Variants in PCDH9 observed in about 807,000 individuals in gnomAD.
The protein encoded by PCDH9 is protocadherin 9.
In PCDH9, 24 loss-of-function variants were observed where a neutral mutation model predicts 70.6. The observed-to-expected ratio is 0.34, with a 90% CI of 0.25 to 0.48. The LOEUF is 0.48. Ranked by LOEUF, PCDH9 falls within the 20% of genes least tolerant of loss-of-function variation. The pLI is 0.99. For synonymous variants in PCDH9, 562 were observed against 558.5 expected, an observed-to-expected ratio of 1.01 and a Z score of -0.09; for missense variants, 1,281 against 1,503.6, an observed-to-expected ratio of 0.85 and a Z score of 2.45.
At chr13:67,123,130 C>T (rs933666730) in intron 2 of PCDH9, among the ~76,000 whole-genome samples, 1 of 152,124 alleles carries the variant, frequency 6.6e-6, no homozygotes, top group Non-Finnish European at 1.5e-5. Flanking sequence ...AATCTACTAA[C>T]CCTTCTAGGC....
At chr13:66,854,607 T>G (rs947095354) in intron 3 of PCDH9, among the ~76,000 whole-genome samples, 1 of 151,954 alleles carries the variant, frequency 6.6e-6, no homozygotes, top group African/African-American at 2.4e-5. Context: ...TCTTTTTTAA[T>G]GTCTATTTAG....
intron 3 of PCDH9, among the ~76,000 whole-genome samples, chr13:66,791,936 G>A (rs970113148): frequency 2.0e-5 from 3 of 152,060 alleles, no homozygotes; most frequent in Non-Finnish European, 4.4e-5. Context: ...TTACTGAGCT[G>A]AAGTCAATAC....
intron 2 of PCDH9, among the ~76,000 whole-genome samples, chr13:67,099,905 A>G (rs542367107): frequency 1.6e-4 from 24 of 152,200 alleles, no homozygotes; most frequent in Non-Finnish European, 3.1e-4. Context: ...TAAAAGAGAC[A>G]ATGAAATATA....
chr13:66,818,205 C>A (rs898201897), intron 3 of PCDH9, among the ~76,000 whole-genome samples: 2 of 152,098 alleles, frequency 1.3e-5, no homozygotes, highest in African/African-American at 4.8e-5. Context: ...TTTCTCCTAG[C>A]CATGGGCAGA....
At chr13:66,567,059 A>C (rs2076663048) in intron 4 of PCDH9, among the ~76,000 whole-genome samples, 1 of 150,846 alleles carries the variant, frequency 6.6e-6, no homozygotes, top group African/African-American at 2.4e-5. Flanking sequence ...CTTATGTTTA[A>C]AAAAAAAATC....
At chr13:66,416,274 C>T (rs905564797) in intron 4 of PCDH9, among the ~76,000 whole-genome samples, 3 of 150,914 alleles carry the variant, frequency 2.0e-5, no homozygotes, top group Non-Finnish European at 3.0e-5. Flanking sequence ...TTCATGTGCC[C>T]CAGGAATATA....
intron 4 of PCDH9, among the ~76,000 whole-genome samples, chr13:66,478,736 G>T (rs1469653880): frequency 6.6e-6 from 1 of 152,304 alleles, no homozygotes; most frequent in South Asian, 2.1e-4. Flanking sequence ...AAAATTTGAA[G>T]CTAGCAAGTA....
chr13:67,187,880 C>T (rs1244486345), intron 2 of PCDH9, among the ~76,000 whole-genome samples: 2 of 151,954 alleles, frequency 1.3e-5, no homozygotes, highest in African/African-American at 4.8e-5. Context: ...TATCCATCCC[C>T]TCTAGCATTT....
chr13:66,588,884 G>C (rs1327695217), intron 4 of PCDH9, among the ~76,000 whole-genome samples: 1 of 150,084 alleles, frequency 6.7e-6, no homozygotes, highest in East Asian at 2.0e-4. Context: ...CCATTATTAC[G>C]AGAACTTTTT....
intron 3 of PCDH9, among the ~76,000 whole-genome samples, chr13:66,862,244 C>T (rs1418469080): frequency 6.6e-6 from 1 of 152,092 alleles, no homozygotes; most frequent in Non-Finnish European, 1.5e-5. Flanking sequence ...TTTTTCTTAT[C>T]TTGTGAGTGT....
intron 4 of PCDH9, among the ~76,000 whole-genome samples, chr13:66,574,818 C>T (rs764123172): frequency 7.2e-5 from 11 of 152,144 alleles, no homozygotes; most frequent in Non-Finnish European, 1.5e-4. Context: ...CTTTCTTCAG[C>T]CACAAACAAT....
chr13:66,809,896 T>C (rs1444847466), intron 3 of PCDH9, among the ~76,000 whole-genome samples: 1 of 152,176 alleles, frequency 6.6e-6, no homozygotes, highest in Non-Finnish European at 1.5e-5. Context: ...ATTCCATATA[T>C]TGTCCTTGTC....
At chr13:66,968,342 C>T (rs1465779290) in intron 2 of PCDH9, among the ~76,000 whole-genome samples, 1 of 151,908 alleles carries the variant, frequency 6.6e-6, no homozygotes, top group Non-Finnish European at 1.5e-5. Context: ...GGGAATTACC[C>T]CCATGGCTTT....
At chr13:66,551,990 C>A (rs1961509185) in intron 4 of PCDH9, among the ~76,000 whole-genome samples, 1 of 152,120 alleles carries the variant, frequency 6.6e-6, no homozygotes, top group African/African-American at 2.4e-5. Flanking sequence ...TCTTTGTGAA[C>A]AGGCTGAACA....
At chr13:67,209,184 C>T (rs2089419489) in intron 2 of PCDH9, 2 of 152,118 alleles carry the variant, frequency 1.3e-5, no homozygotes, top group Admixed American at 1.3e-4. Context: ...CAGAATGCCT[C>T]ACCTTAGCAC....
chr13:66,809,634 A>G (rs1375247517), intron 3 of PCDH9, among the ~76,000 whole-genome samples: 1 of 152,212 alleles, frequency 6.6e-6, no homozygotes, highest in Non-Finnish European at 1.5e-5. Context: ...ATAACAGTTT[A>G]GTATCTACAT....
At chr13:66,406,086 G>A (rs767013230) in intron 4 of PCDH9, among the ~76,000 whole-genome samples, 7 of 152,132 alleles carry the variant, frequency 4.6e-5, no homozygotes, top group Non-Finnish European at 8.8e-5. Flanking sequence ...GGGCATGCAG[G>A]ATTGTGGATA....
rs139582504 is a variant in PCDH9 at position 66,887,641 on chromosome 13, C to T, written c.3138+15863G>A. ...AGCACTAGCTATGTTAGTATTAATG[C>T]GCTAATTACTAATATACATTCAGAA... is the stretch of plus-strand genomic sequence containing the variant. On this transcript the variant is annotated intron_variant, in intron 3 of 4. Transcript: ENST00000377865. Among the ~76,000 whole-genome samples, 47 of 152,188 alleles carry T rather than the reference C, an allele frequency of 3.1e-4. 1 individual carries two copies. The highest frequency in any genetic ancestry group is 6.8e-3 in the Middle Eastern group (2 of 294).
At chr13:66,748,141 A>C (rs559937970) in intron 3 of PCDH9, among the ~76,000 whole-genome samples, 1 of 152,322 alleles carries the variant, frequency 6.6e-6, no homozygotes, top group South Asian at 2.1e-4. Context: ...GAGGTAGGAA[A>C]CCTTAGCTTA....
Sources: gnomAD v4.1 joint callset for allele counts (sites outside exome capture counted in the v4.1 genomes callset) on GRCh38, gnomAD v4.1.1 for gene constraint, MANE v1.5 for transcripts, NCBI Gene and HGNC (gene_info 2026-07-23, HGNC 2026-07-21) for gene names.